The following ANKRD6 variants were observed in gnomAD, a reference collection of about 807,000 sequenced individuals.
ANKRD6 encodes ankyrin repeat domain-containing protein 6.
A neutral mutation model predicts 82.3 loss-of-function variants in ANKRD6; 56 were observed. The ratio of observed to expected loss-of-function variants is 0.68; its 90% confidence interval spans 0.55 to 0.85. ANKRD6 has a LOEUF of 0.85. Ranked by LOEUF, ANKRD6 falls within the 40% of genes least tolerant of loss-of-function variation. The probability of loss-of-function intolerance (pLI) is 0.00; values close to 1 mark genes in which losing one functional copy is unlikely to be tolerated. For synonymous variants in ANKRD6, 347 were observed against 352.1 expected, an observed-to-expected ratio of 0.99 and a Z score of 0.16; for missense variants, 852 against 907.6, an observed-to-expected ratio of 0.94 and a Z score of 0.79.
intron 5 of ANKRD6, among the ~76,000 whole-genome samples, chr6:89,609,948 A>T (rs900745947): frequency 3.3e-5 from 5 of 152,128 alleles, no homozygotes; most frequent in African/African-American, 1.2e-4. Context: ...CTTCAGAAGG[A>T]CAGGTCAGGA....
rs1208737921 is a variant in ANKRD6, at chr6:89,575,522, C to T, written c.120+8426C>T. ...GGCTGCTGCTTGTTAGAGCATATTC[C>T]TTGGCACCTGACACATTGTGGATAT... On this transcript the variant is annotated intron_variant, in intron 2 of 15. Coordinates refer to ENST00000339746, the MANE Select transcript of ANKRD6 (RefSeq NM_001242809.2). Among the ~76,000 whole-genome samples, 6 of 152,014 alleles carry T rather than the reference C, an allele frequency of 3.9e-5. No homozygotes were observed. The East Asian group carries it at 9.7e-4, about 24-fold the overall frequency.
intron 1 of ANKRD6, among the ~76,000 whole-genome samples, chr6:89,459,206 G>A (rs904248348): frequency 6.6e-6 from 1 of 152,144 alleles, no homozygotes; most frequent in African/African-American, 2.4e-5. Context: ...AGCCTCCCGA[G>A]TAGCTGGGAT....
At chr6:89,479,641 C>CT (rs1776541975) in intron 1 of ANKRD6, among the ~76,000 whole-genome samples, 1 of 144,754 alleles carries the variant, frequency 6.9e-6, no homozygotes, top group Non-Finnish European at 1.5e-5. Context: ...TATTATTATA[C>CT]TTTAAGTTTT....
chr6:89,525,369 C>T (rs1782369069), intron 1 of ANKRD6, among the ~76,000 whole-genome samples: 1 of 151,770 alleles, frequency 6.6e-6, no homozygotes, highest in African/African-American at 2.4e-5. Flanking sequence ...TGAGAGCTCT[C>T]AGATGGCAGC....
chr6:89,623,006 G>A (rs1804080629), intron 10 of ANKRD6, among the ~76,000 whole-genome samples: 1 of 137,644 alleles, frequency 7.3e-6, no homozygotes, highest in South Asian at 2.7e-4. Flanking sequence ...GTGGGTTGGG[G>A]TGGGGGAGTG....
rs1583138544 is a variant in ANKRD6 at position 89,534,148 on chromosome 6, G to A, written c.-143-32686G>A. On this transcript the variant is annotated intron_variant, in intron 1 of 15. Coordinates refer to ENST00000339746, the MANE Select transcript of ANKRD6 (RefSeq NM_001242809.2). Reference sequence around the variant, plus strand: ...AGCTAAATTTAGCTCTGCTGTAAAAGAGTTTAATTTTCAAAGCCAATTAGA... The same window carrying A: ...AGCTAAATTTAGCTCTGCTGTAAAAAAGTTTAATTTTCAAAGCCAATTAGA... 2.6e-5 allele frequency among the ~76,000 whole-genome samples: 4 copies of A among 152,280 alleles called. No individual in the cohort carries two copies. The South Asian group carries it at 8.3e-4, about 32-fold the overall frequency.
At chr6:89,608,474 A>G (rs1799397153) in intron 5 of ANKRD6, among the ~76,000 whole-genome samples, 1 of 151,556 alleles carries the variant, frequency 6.6e-6, no homozygotes, top group Admixed American at 6.6e-5. Context: ...TTCAACAGCA[A>G]TGCCAGGCAA....
chr6:89,609,464 G>C (rs1232861341), intron 5 of ANKRD6, among the ~76,000 whole-genome samples: 1 of 151,956 alleles, frequency 6.6e-6, no homozygotes, highest in African/African-American at 2.4e-5. Context: ...ATCACGCTCA[G>C]CTAATTTTTG....
intron 1 of ANKRD6, among the ~76,000 whole-genome samples, chr6:89,557,316 A>C (rs1227145904): frequency 6.6e-6 from 1 of 152,120 alleles, no homozygotes; most frequent in Admixed American, 6.5e-5. Context: ...ACTGAGATCT[A>C]GAGAAGAAAA....
intron 1 of ANKRD6, among the ~76,000 whole-genome samples, chr6:89,504,193 A>G (rs1362968803): frequency 6.6e-6 from 1 of 151,626 alleles, no homozygotes; most frequent in African/African-American, 2.4e-5. Context: ...GCTGTTCAGC[A>G]TCCACGTGAG....
intron 1 of ANKRD6, among the ~76,000 whole-genome samples, chr6:89,488,257 T>C (rs1347581920): frequency 2.0e-5 from 3 of 152,256 alleles, no homozygotes; most frequent in Admixed American, 6.5e-5. Flanking sequence ...CATTTGATTA[T>C]AAACACAAAT....
At chr6:89,506,402 C>T (rs538297207) in intron 1 of ANKRD6, among the ~76,000 whole-genome samples, 1 of 152,296 alleles carries the variant, frequency 6.6e-6, no homozygotes, top group East Asian at 1.9e-4. Flanking sequence ...GCAACCTCCA[C>T]CTCCCGGGTT....
intron 1 of ANKRD6, among the ~76,000 whole-genome samples, chr6:89,488,921 T>TTCTATTCTATTCTAG (rs1554219758): frequency 6.7e-6 from 1 of 148,318 alleles, no homozygotes; most frequent in Admixed American, 6.8e-5. Flanking sequence ...TTCTATTCTA[T>TTCTATTCTATTCTAG]TCTAGTTCAT....
intron 5 of ANKRD6, among the ~76,000 whole-genome samples, chr6:89,609,382 A>T (rs926419442): frequency 3.3e-5 from 5 of 151,392 alleles, no homozygotes; most frequent in African/African-American, 1.2e-4. Flanking sequence ...GCTCACTGCA[A>T]CCTCCGCCTC....
At chr6:89,629,016 A>C (rs1806659792) in intron 14 of ANKRD6, 96 bp from the exon 15 acceptor site, 4 of 1,367,242 alleles carry the variant, frequency 2.9e-6, no homozygotes, top group Non-Finnish European at 3.9e-6. Context: ...GTTATAATTG[A>C]AAAGTCCATC....
chr6:89,493,870 G>A (rs986392745), intron 1 of ANKRD6, among the ~76,000 whole-genome samples: 7 of 152,184 alleles, frequency 4.6e-5, no homozygotes, highest in Non-Finnish European at 7.3e-5. Context: ...AATACTGACA[G>A]GTTTCAGGCA....
chr6:89,462,372 A>T (rs1181464003), intron 1 of ANKRD6, among the ~76,000 whole-genome samples: 1 of 151,922 alleles, frequency 6.6e-6, no homozygotes, highest in Admixed American at 6.6e-5. Context: ...TGTAGCAGAG[A>T]TGGGTGAATA....
chr6:89,460,906 A>ATTTTTTTTT (rs1554213815), intron 1 of ANKRD6, among the ~76,000 whole-genome samples: 1 of 83,912 alleles, frequency 1.2e-5, no homozygotes, highest in Non-Finnish European at 2.3e-5. Context: ...GTGTTTTGGA[A>ATTTTTTTTT]TTCTTTTTTT....
At chr6:89,452,598 A>G (rs191666102) in intron 1 of ANKRD6, among the ~76,000 whole-genome samples, 44 of 152,322 alleles carry the variant, frequency 2.9e-4, no homozygotes, top group African/African-American at 1.0e-3. Flanking sequence ...TGAACCCTCC[A>G]CTTGAGAAAT....
Sources: gnomAD v4.1 joint callset for allele counts (sites outside exome capture counted in the v4.1 genomes callset) on GRCh38, gnomAD v4.1.1 for gene constraint, MANE v1.5 for transcripts, NCBI Gene and HGNC (gene_info 2026-07-23, HGNC 2026-07-21) for gene names.